The following SGCZ variants were observed in gnomAD, a reference collection of about 807,000 sequenced individuals.
SGCZ encodes sarcoglycan zeta.
SGCZ carries 40 observed loss-of-function variants against 41.3 expected under a neutral mutation model. The ratio of observed to expected loss-of-function variants is 0.97; its 90% CI spans 0.75 to 1.26. SGCZ has a LOEUF of 1.26. Ranked by LOEUF, SGCZ falls within the 50% of genes most tolerant of loss-of-function variation. The pLI is 0.00. For synonymous variants in SGCZ, 206 were observed against 137.5 expected, an observed-to-expected ratio of 1.50 and a Z score of -3.49; for missense variants, 552 against 369.8, an observed-to-expected ratio of 1.49 and a Z score of -4.04.
chr8:14,352,220 C>T (rs927309332), intron 2 of SGCZ, among the ~76,000 whole-genome samples: 3 of 151,912 alleles, frequency 2.0e-5, no homozygotes, highest in Non-Finnish European at 2.9e-5. Flanking sequence ...TTAGGAATTT[C>T]CAGGCTGAAG....
chr8:14,672,719 T>C (rs1808144850), intron 1 of SGCZ, among the ~76,000 whole-genome samples: 1 of 152,180 alleles, frequency 6.6e-6, no homozygotes, highest in Non-Finnish European at 1.5e-5. Context: ...TCTAAATTTT[T>C]TAGTCACCTC....
intron 2 of SGCZ, among the ~76,000 whole-genome samples, chr8:14,380,683 C>G (rs1304598593): frequency 6.6e-6 from 1 of 152,072 alleles, no homozygotes; most frequent in Non-Finnish European, 1.5e-5. Flanking sequence ...GAATCCCAGT[C>G]TCTATGAAAA....
intron 2 of SGCZ, among the ~76,000 whole-genome samples, chr8:14,333,015 A>G (rs1479915978): frequency 1.3e-5 from 2 of 151,726 alleles, no homozygotes; most frequent in African/African-American, 4.8e-5. Context: ...GAACACTTGG[A>G]ACACATACAT....
intron 1 of SGCZ, among the ~76,000 whole-genome samples, chr8:15,132,466 G>A (rs981244935): frequency 6.6e-6 from 1 of 152,174 alleles, no homozygotes; most frequent in African/African-American, 2.4e-5. Flanking sequence ...AGGCATGAAT[G>A]AATAGATGCA....
intron 2 of SGCZ, among the ~76,000 whole-genome samples, chr8:14,341,776 T>C (rs150382630): frequency 0.011 from 1,692 of 152,276 alleles, 28 homozygotes; most frequent in African/African-American, 0.037. Context: ...GTTTTCACTT[T>C]TGCATCTTCC....
At chr8:14,742,151 A>G (rs1235490241) in intron 1 of SGCZ, among the ~76,000 whole-genome samples, 2 of 152,058 alleles carry the variant, frequency 1.3e-5, no homozygotes, top group East Asian at 3.9e-4. Flanking sequence ...CCTAAAGTTT[A>G]TATACCATGC....
intron 2 of SGCZ, among the ~76,000 whole-genome samples, chr8:14,406,635 G>C (rs1480917740): frequency 6.6e-6 from 1 of 152,072 alleles, no homozygotes; most frequent in Admixed American, 6.6e-5. Context: ...AACAAGTACA[G>C]GGCAGAAGCG....
intron 2 of SGCZ, among the ~76,000 whole-genome samples, chr8:14,467,437 A>G (rs1254381525): frequency 6.6e-6 from 1 of 152,000 alleles, no homozygotes; most frequent in African/African-American, 2.4e-5. Flanking sequence ...CAAATCTCTT[A>G]TATTTGGAGG....
rs868476741 is a variant in SGCZ at position 14,447,860 on chromosome 8, C to T, written c.234+106872G>A. 5.2e-4 allele frequency among the ~76,000 whole-genome samples: 79 copies of T among 152,190 alleles called. No individual in the cohort carries two copies. In the Middle Eastern group the frequency reaches 0.01, roughly 20 times the overall value. ...GCCATCTCTTTGAGATGTCATAATGCACAAGTTCATTCAGACAAAATCACA... is the reference window on the plus strand; with the variant it reads ...GCCATCTCTTTGAGATGTCATAATGTACAAGTTCATTCAGACAAAATCACA... On this transcript the variant is annotated intron_variant, in intron 2 of 7. Coordinates refer to ENST00000382080, the MANE Select transcript of SGCZ (RefSeq NM_139167.4).
intron 1 of SGCZ, among the ~76,000 whole-genome samples, chr8:15,019,219 G>T (rs990202375): frequency 6.6e-6 from 1 of 152,192 alleles, no homozygotes; most frequent in African/African-American, 2.4e-5. Flanking sequence ...AATGACTTAT[G>T]GGGGTGAAGG....
At chr8:14,697,977 T>C (rs528185147) in intron 1 of SGCZ, among the ~76,000 whole-genome samples, 2 of 152,110 alleles carry the variant, frequency 1.3e-5, no homozygotes, top group South Asian at 2.1e-4. Context: ...TCGGTATTTG[T>C]TGAACGTTTA....
At chr8:14,969,369 A>C (rs927762914) in intron 1 of SGCZ, among the ~76,000 whole-genome samples, 6 of 152,118 alleles carry the variant, frequency 3.9e-5, no homozygotes, top group African/African-American at 1.4e-4. Flanking sequence ...TGTTTTATTG[A>C]CTTGTAATTG....
chr8:14,147,249 T>C (rs1008217355), intron 5 of SGCZ, among the ~76,000 whole-genome samples: 1 of 151,870 alleles, frequency 6.6e-6, no homozygotes, highest in Admixed American at 6.6e-5. Flanking sequence ...GACTAAATTA[T>C]CCAATCAAAA....
At chr8:14,465,426 T>C (rs1187289002) in intron 2 of SGCZ, among the ~76,000 whole-genome samples, 16 of 151,690 alleles carry the variant, frequency 1.1e-4, no homozygotes, top group Non-Finnish European at 2.2e-4. Flanking sequence ...TCACTTTCAA[T>C]CTATTTGTGT....
intron 1 of SGCZ, among the ~76,000 whole-genome samples, chr8:14,755,718 T>C (rs1010780030): frequency 3.3e-5 from 5 of 152,118 alleles, no homozygotes; most frequent in Non-Finnish European, 5.9e-5. Flanking sequence ...TCACCTCCAC[T>C]AAAGGCTGTG....
intron 1 of SGCZ, among the ~76,000 whole-genome samples, chr8:14,748,478 C>G (rs1799402900): frequency 1.3e-5 from 2 of 152,078 alleles, no homozygotes; most frequent in South Asian, 4.1e-4. Flanking sequence ...CCAGGTATTC[C>G]CCATGCTTAT....
At chr8:14,955,736 A>G (rs976147460) in intron 1 of SGCZ, among the ~76,000 whole-genome samples, 1 of 152,124 alleles carries the variant, frequency 6.6e-6, no homozygotes, top group African/African-American at 2.4e-5. Flanking sequence ...CATTCACAGA[A>G]GTTTTCTAAA....
intron 1 of SGCZ, among the ~76,000 whole-genome samples, chr8:14,914,885 G>A (rs892731271): frequency 6.6e-6 from 1 of 152,038 alleles, no homozygotes; most frequent in African/African-American, 2.4e-5. Flanking sequence ...TCCTTTGCTG[G>A]GAGCCAGCCC....
intron 1 of SGCZ, among the ~76,000 whole-genome samples, chr8:14,936,011 G>A (rs887790126): frequency 1.2e-4 from 18 of 151,756 alleles, no homozygotes; most frequent in African/African-American, 3.6e-4. Context: ...TTAAATGATC[G>A]ATTCACTAAG....
Sources: allele counts gnomAD v4.1 joint callset (sites outside exome capture counted in the v4.1 genomes callset), GRCh38; gene constraint gnomAD v4.1.1; transcripts MANE v1.5; gene names NCBI Gene and HGNC (gene_info 2026-07-23, HGNC 2026-07-21).